Variants in NUCB2 observed in about 807,000 individuals in gnomAD.
NUCB2 encodes the protein nucleobindin-2.
A neutral mutation model predicts 57.9 loss-of-function variants in NUCB2; 48 were observed. The ratio of observed to expected loss-of-function variants is 0.83; its 90% CI spans 0.66 to 1.05. NUCB2 has a LOEUF of 1.05. Among genes scored for constraint, NUCB2 ranks in the 50% least tolerant of loss-of-function variants. The probability of loss-of-function intolerance (pLI) is 0.00; values close to 1 mark genes in which losing one functional copy is unlikely to be tolerated. For synonymous variants in NUCB2, 139 were observed against 152.1 expected (o/e 0.91, Z 0.64); for missense variants, 442 against 476.2 (o/e 0.93, Z 0.67).
intron 2 of NUCB2, among the ~76,000 whole-genome samples, chr11:17,343,312 A>G (rs1037666546): frequency 3.3e-5 from 5 of 152,088 alleles, no homozygotes; most frequent in Non-Finnish European, 5.9e-5. Context: ...GTGAGAGAGA[A>G]AAAAAAATTG....
intron 11 of NUCB2, among the ~76,000 whole-genome samples, chr11:17,322,775 A>G (rs1024866403): frequency 1.8e-4 from 27 of 151,954 alleles, no homozygotes; most frequent in African/African-American, 6.0e-4. Context: ...TGTGTTTTAT[A>G]GTTTTCATTA....
At chr11:17,301,659 G>C (rs1241757900) in intron 4 of NUCB2, 85 bp from the exon 5 acceptor site, 2 of 857,950 alleles carry the variant, frequency 2.3e-6, no homozygotes, top group Non-Finnish European at 3.8e-6. Flanking sequence ...TATCACTAAT[G>C]TATTGTAACC....
At chr11:17,293,964 A>G (rs1408365219) in intron 2 of NUCB2, among the ~76,000 whole-genome samples, 1 of 152,328 alleles carries the variant, frequency 6.6e-6, no homozygotes, top group East Asian at 1.9e-4. Flanking sequence ...TTAAAATTAG[A>G]TAGTAGAGAT....
At position 17,331,628 on chromosome 11, in the gene NUCB2, G is replaced by A; in HGVS notation, c.*209G>A. Reference sequence around the variant, plus strand: ...GAACCAGGAAGAAAACAAACTCACTGTCTGCTCTCTGCTCTCACATTCACA... The same window carrying A: ...GAACCAGGAAGAAAACAAACTCACTATCTGCTCTCTGCTCTCACATTCACA... On this transcript the variant is annotated 3_prime_UTR_variant, in exon 14 of 14. Transcript: ENST00000529010. 2.5e-6 allele frequency: 1 copy of A among 393,562 alleles called. No individual in the cohort carries two copies. Among genetic ancestry groups the A allele is most frequent in the Non-Finnish European group, 4.6e-6 (1 of 218,218 alleles). The allele number at this position is 393,562 out of a possible 1,614,324, so 24.4% of individuals were successfully genotyped here.
chr11:17,294,678 T>TAAAAAAAAAAAAAAAAAAAAAAA (rs34406631), intron 2 of NUCB2, among the ~76,000 whole-genome samples: 1 of 102,662 alleles, frequency 9.7e-6, no homozygotes, highest in Non-Finnish European at 1.9e-5. Context: ...CGTGTTGCCT[T>TAAAAAAAAAAAAAAAAAAAAAAA]AAAAAAAAAA....
At chr11:17,282,252 A>ATT (rs59444289) in intron 1 of NUCB2, among the ~76,000 whole-genome samples, 2 of 95,418 alleles carry the variant, frequency 2.1e-5, no homozygotes, top group African/African-American at 1.1e-4. Flanking sequence ...ATATATATAT[A>ATT]TATATATTTT....
chr11:17,320,567 G>C (rs1949893484), intron 11 of NUCB2, among the ~76,000 whole-genome samples: 1 of 152,152 alleles, frequency 6.6e-6, no homozygotes, highest in Admixed American at 6.6e-5. Flanking sequence ...TGAGGCAGGA[G>C]AATCACTTGA....
chr11:17,348,778 C>T (rs1431095501), intron 2 of NUCB2, among the ~76,000 whole-genome samples: 2 of 151,410 alleles, frequency 1.3e-5, no homozygotes, highest in Admixed American at 1.3e-4. Flanking sequence ...GAAAAGCTTT[C>T]CTTTCCTTTT....
chr11:17,278,512 T>C (rs747291286), intron 1 of NUCB2: 4 of 152,292 alleles, frequency 2.6e-5, no homozygotes, highest in Middle Eastern at 3.4e-3. Flanking sequence ...GTCTATGTTG[T>C]GTTTACCTTT....
intron 2 of NUCB2, 141 bp from the exon 3 acceptor site, chr11:17,295,183 A>G: frequency 5.0e-6 from 3 of 603,136 alleles, no homozygotes; most frequent in Non-Finnish European, 5.3e-6. Flanking sequence ...GTTTTAATCT[A>G]TTCTTTCCTT....
At chr11:17,316,342 T>A (rs1368403411) in intron 11 of NUCB2, among the ~76,000 whole-genome samples, 1 of 152,240 alleles carries the variant, frequency 6.6e-6, no homozygotes, top group African/African-American at 2.4e-5. Flanking sequence ...AAATACTTTT[T>A]AAAAATTTAA....
At chr11:17,311,954 A>G (rs376797722) in intron 9 of NUCB2, 24 bp downstream of exon 9, 7 of 1,550,654 alleles carry the variant, frequency 4.5e-6, no homozygotes, top group Non-Finnish European at 5.3e-6. Flanking sequence ...TTAAGTATTC[A>G]GTGTTCTTGT....
At chr11:17,341,262 C>G (rs2139619023) in intron 2 of NUCB2, among the ~76,000 whole-genome samples, 1 of 152,174 alleles carries the variant, frequency 6.6e-6, no homozygotes, top group Admixed American at 6.5e-5. Context: ...CATCTGCAAA[C>G]AGGGACAATT....
intron 4 of NUCB2, among the ~76,000 whole-genome samples, chr11:17,297,813 G>A (rs746550962): frequency 5.9e-5 from 9 of 152,156 alleles, no homozygotes; most frequent in Non-Finnish European, 1.3e-4. Context: ...TCCGTGTGTG[G>A]TGGCTCACGC....
downstream of NUCB2, chr11:17,333,110 C>A (rs1951543634): frequency 1.3e-5 from 2 of 152,224 alleles, no homozygotes; most frequent in Non-Finnish European, 2.9e-5. Flanking sequence ...ATAATTAAAT[C>A]TCTCTGCTAT....
intron 1 of NUCB2, among the ~76,000 whole-genome samples, chr11:17,282,191 T>A (rs1251362579): frequency 9.0e-6 from 1 of 110,854 alleles, no homozygotes; most frequent in Non-Finnish European, 1.8e-5. Context: ...AATAAATCTA[T>A]ATCTATATCT....
At chr11:17,277,556 T>C (rs1246539552) in intron 1 of NUCB2, among the ~76,000 whole-genome samples, 1 of 152,192 alleles carries the variant, frequency 6.6e-6, no homozygotes, top group Non-Finnish European at 1.5e-5. Context: ...GGAACCATTA[T>C]GATTTTTGAG....
At chr11:17,302,324 T>C (rs532973980) in intron 5 of NUCB2, among the ~76,000 whole-genome samples, 22 of 152,274 alleles carry the variant, frequency 1.4e-4, no homozygotes, top group Admixed American at 1.4e-3. Context: ...TTTAAATAGA[T>C]AATACATTTT....
chr11:17,287,016 A>C lies in NUCB2; in HGVS notation c.-1+4073A>C, dbSNP rs192928977. Among the ~76,000 whole-genome samples, 23 of 152,312 alleles carry C rather than the reference A, an allele frequency of 1.5e-4. No individual in the cohort carries two copies. In the East Asian group the frequency reaches 3.3e-3, roughly 22 times the overall value. Reference sequence around the variant, plus strand: ...TGTCCTAGTTATGTCTAGAATAAGCACTAACAGATTAGAAACTAGTAGAAA... The same window carrying C: ...TGTCCTAGTTATGTCTAGAATAAGCCCTAACAGATTAGAAACTAGTAGAAA... On this transcript the variant is annotated intron_variant, in intron 2 of 13. Transcript: ENST00000529010.
Sources: gnomAD v4.1 joint callset for allele counts (sites outside exome capture counted in the v4.1 genomes callset) on GRCh38, gnomAD v4.1.1 for gene constraint, MANE v1.5 for transcripts, NCBI Gene and HGNC (gene_info 2026-07-23, HGNC 2026-07-21) for gene names.